The following RABGAP1L variants were observed in gnomAD, a reference collection of about 807,000 sequenced individuals.
RABGAP1L encodes the protein rab GTPase-activating protein 1-like.
RABGAP1L carries 63 observed loss-of-function variants against 137.7 expected under a neutral mutation model. The observed-to-expected ratio is 0.46, with a 90% CI of 0.37 to 0.56. The LOEUF is 0.56. RABGAP1L is among the 20% of genes least tolerant of loss of function. RABGAP1L has a pLI of 0.00. For missense variants in RABGAP1L, 1,095 were observed against 1,244.0 expected (o/e 0.88, Z 1.80); for synonymous variants, 431 against 433.7 (o/e 0.99, Z 0.08).
rs184113985 is a variant in RABGAP1L at position 174,419,603 on chromosome 1, G to T, written c.1710+25458G>T. Among the ~76,000 whole-genome samples the T allele has an allele frequency of 6.2e-4, 95 of 152,222 alleles. 1 individual carries two copies. The East Asian group carries it at 8.3e-3, about 13-fold the overall frequency. On this transcript the variant is annotated intron_variant, in intron 13 of 25. Transcript: ENST00000681986. ...ATAGCTTAATTTGTTATTGTAAAAA[G>T]ATGGACACATAGTATAATTTAAAAC... is the stretch of plus-strand genomic sequence containing the variant.
chr1:174,450,069 G>A (rs980695978), intron 13 of RABGAP1L, among the ~76,000 whole-genome samples: 1 of 151,872 alleles, frequency 6.6e-6, no homozygotes, highest in African/African-American at 2.4e-5. Flanking sequence ...TTTTTATCTG[G>A]TTCCTTTTAA....
intron 19 of RABGAP1L, among the ~76,000 whole-genome samples, chr1:174,905,976 G>A (rs555912165): frequency 2.4e-4 from 37 of 152,214 alleles, no homozygotes; most frequent in Admixed American, 1.5e-3. Context: ...TAGAATTACT[G>A]GTGTTCAAGA....
rs199927496 is a variant in RABGAP1L, at chr1:174,664,730, CTTTCT to C, written c.1825-18788_1825-18784del. Reference sequence around the variant, plus strand: ...CTCTCTCTTTCTTTCTTTCTTTCTGCTTTCTTTTTTTTTTTTTTTTTTTTTGACAG... The same window carrying C: ...CTCTCTCTTTCTTTCTTTCTTTCTGCTTTTTTTTTTTTTTTTTTTTGACAG... On this transcript the variant is annotated intron_variant, in intron 14 of 25. Transcript: ENST00000681986. Among the ~76,000 whole-genome samples the C allele has an allele frequency of 6.5e-4, 64 of 98,902 alleles. 7 individuals are homozygous for C. Among genetic ancestry groups the C allele is most frequent in the African/African-American group, 3.4e-3 (54 of 15,670 alleles). 64.9% of individuals were successfully genotyped at this position (98,902 alleles called of 152,430 possible).
At chr1:174,630,562 A>ATGGGG (rs1673288850) in intron 13 of RABGAP1L, among the ~76,000 whole-genome samples, 1 of 106,658 alleles carries the variant, frequency 9.4e-6, no homozygotes. Context: ...TATTGCCACA[A>ATGGGG]TTTCAGCTCC....
chr1:174,550,891 T>TACACAC (rs1214748528), intron 13 of RABGAP1L, among the ~76,000 whole-genome samples: 11 of 86,046 alleles, frequency 1.3e-4, no homozygotes, highest in African/African-American at 7.8e-4. Context: ...TATATATATA[T>TACACAC]ATATACACAC....
At chr1:174,258,389 A>T (rs1673298274) in intron 7 of RABGAP1L, among the ~76,000 whole-genome samples, 1 of 152,168 alleles carries the variant, frequency 6.6e-6, no homozygotes, top group Non-Finnish European at 1.5e-5. Context: ...GGCTCAAGCG[A>T]TCCTCCCATC....
chr1:174,520,878 A>G (rs1306387255), intron 13 of RABGAP1L, among the ~76,000 whole-genome samples: 2 of 151,994 alleles, frequency 1.3e-5, no homozygotes, highest in Admixed American at 1.3e-4. Flanking sequence ...GTGCATGCCT[A>G]TAGTCCCAGC....
At chr1:174,519,622 A>G (rs974680521) in intron 13 of RABGAP1L, among the ~76,000 whole-genome samples, 1 of 152,200 alleles carries the variant, frequency 6.6e-6, no homozygotes, top group Non-Finnish European at 1.5e-5. Flanking sequence ...ATTATTAACC[A>G]TAACATTTAT....
At chr1:174,598,461 G>A (rs945905578) in intron 13 of RABGAP1L, among the ~76,000 whole-genome samples, 1 of 151,762 alleles carries the variant, frequency 6.6e-6, no homozygotes, top group African/African-American at 2.4e-5. Flanking sequence ...TTTTTTTGTT[G>A]ATTTTTCAGT....
intron 10 of RABGAP1L, among the ~76,000 whole-genome samples, chr1:174,295,156 A>G (rs1677003111): frequency 6.6e-6 from 1 of 150,830 alleles, no homozygotes; most frequent in South Asian, 2.1e-4. Context: ...TGACCTCATG[A>G]TCCGCCCACC....
chr1:174,954,383 G>A lies in RABGAP1L; in HGVS notation c.2341-3074G>A, dbSNP rs74371947. On this transcript the variant is annotated intron_variant, in intron 19 of 25. Transcript: ENST00000681986. ...CCTAGAATCTCAGCCAGATGGGAAA[G>A]GATTAGCTTATTGAGAGTGTTATTG... is the stretch of plus-strand genomic sequence containing the variant. 9.2e-5 allele frequency: 14 copies of A among 152,236 alleles called. No individual in the cohort carries two copies. The East Asian group carries it at 2.7e-3, about 29-fold the overall frequency. The allele number at this position is 152,236 out of a possible 1,614,324, so 9.4% of individuals were successfully genotyped here.
At chr1:174,573,925 T>C (rs1668175078) in intron 13 of RABGAP1L, among the ~76,000 whole-genome samples, 1 of 152,254 alleles carries the variant, frequency 6.6e-6, no homozygotes, top group African/African-American at 2.4e-5. Context: ...TTCTATTTAA[T>C]TGCCTATGCA....
At position 174,699,542 on chromosome 1, in the gene RABGAP1L, A is replaced by G. The variant is rs775708868; in HGVS notation, c.1917A>G (p.Ala639=). The change falls in exon 16 of 26, where the codon GCA becomes GCG. Residue 639 remains alanine (A), a synonymous_variant. Coordinates refer to ENST00000681986, the MANE Select transcript of RABGAP1L (RefSeq NM_001366446.1). ...VLLLHMPEEQ[A]FCVLVKIMYD... is the part of the protein sequence containing the mutation. ...TTCTGTAGATGCCAGAGGAACAAGC[A>G]TTCTGTGTTTTGGTGAAAATCATGT... 3.7e-6 allele frequency: 6 copies of G among 1,612,744 alleles called. No homozygotes were observed. In the South Asian group the frequency reaches 6.6e-5, roughly 18 times the overall value.
intron 11 of RABGAP1L, among the ~76,000 whole-genome samples, chr1:174,327,491 TAATA>T (rs1023625653): frequency 6.6e-6 from 1 of 151,928 alleles, no homozygotes; most frequent in Non-Finnish European, 1.5e-5. Flanking sequence ...GCAAAACCTT[TAATA>T]AATACAATAC....
intron 14 of RABGAP1L, among the ~76,000 whole-genome samples, chr1:174,662,061 G>A (rs1676407968): frequency 6.7e-6 from 1 of 150,146 alleles, no homozygotes; most frequent in African/African-American, 2.5e-5. Flanking sequence ...ACAGCCTGAG[G>A]TAGGTCGTTC....
chr1:174,196,023 G>C (rs572778349), intron 1 of RABGAP1L, among the ~76,000 whole-genome samples: 39 of 150,208 alleles, frequency 2.6e-4, no homozygotes, highest in African/African-American at 8.3e-4. Flanking sequence ...TTTTAGCAGA[G>C]ACAGGGTTTC....
intron 1 of RABGAP1L, among the ~76,000 whole-genome samples, chr1:174,198,027 C>A (rs751775295): frequency 2.6e-5 from 4 of 152,008 alleles, no homozygotes; most frequent in Non-Finnish European, 5.9e-5. Flanking sequence ...CTCTAAAATG[C>A]GCATATTTAA....
At chr1:174,678,047 C>T (rs1677769373) in intron 14 of RABGAP1L, among the ~76,000 whole-genome samples, 1 of 151,958 alleles carries the variant, frequency 6.6e-6, no homozygotes, top group South Asian at 2.1e-4. Flanking sequence ...TAAGTTTAAA[C>T]TTTTATGTAT....
intron 19 of RABGAP1L, among the ~76,000 whole-genome samples, chr1:174,830,922 G>A (rs1434267182): frequency 4.7e-5 from 7 of 148,030 alleles, no homozygotes; most frequent in African/African-American, 1.7e-4. Flanking sequence ...CTGATTACAA[G>A]GAGCATCTAA....
Sources: gnomAD v4.1 joint callset for allele counts (sites outside exome capture counted in the v4.1 genomes callset) on GRCh38, gnomAD v4.1.1 for gene constraint, MANE v1.5 for transcripts, NCBI Gene and HGNC (gene_info 2026-07-23, HGNC 2026-07-21) for gene names.